The following UBR1 variants were observed in gnomAD, a reference collection of about 807,000 sequenced individuals.
The protein encoded by UBR1 is ubiquitin protein ligase E3 component n-recognin 1.
UBR1 carries 102 observed loss-of-function variants against 242.1 expected under a neutral mutation model. The observed-to-expected ratio is 0.42, with a 90% CI of 0.36 to 0.50. The LOEUF (loss-of-function observed/expected upper bound fraction) is 0.50, where lower values mean the gene tolerates loss of function less well. UBR1 is among the 20% of genes least tolerant of loss of function. The pLI, the probability that UBR1 is intolerant of heterozygous loss-of-function variation, is 0.01. For synonymous variants in UBR1, 675 were observed against 684.8 expected (o/e 0.99, Z 0.22); for missense variants, 1,772 against 2,101.8 (o/e 0.84, Z 3.07).
chr15:43,076,085 C>T lies in UBR1; in HGVS notation c.418-996G>A, dbSNP rs1240553304. ...ACTGCAACCTCCCCGCCTGATTCTC[C>T]TGCCTCAGCCTGCAGAGTGCCTGCG... On this transcript the variant is annotated intron_variant, in intron 3 of 46. Coordinates refer to ENST00000290650, the MANE Select transcript of UBR1 (RefSeq NM_174916.3). 2.6e-5 allele frequency among the ~76,000 whole-genome samples: 4 copies of T among 152,132 alleles called. No individual in the cohort carries two copies. In the East Asian group the frequency reaches 7.7e-4, roughly 29 times the overall value.
chr15:43,069,280 T>C (rs931482817), intron 5 of UBR1, among the ~76,000 whole-genome samples: 22 of 151,484 alleles, frequency 1.5e-4, no homozygotes, highest in African/African-American at 5.3e-4. Context: ...ATGTGTTCAG[T>C]ATTTTTTTTT....
intron 9 of UBR1, 49 bp from the exon 10 acceptor site, chr15:43,058,478 C>A: frequency 7.8e-7 from 1 of 1,282,430 alleles, no homozygotes; most frequent in Non-Finnish European, 1.1e-6. Flanking sequence ...ATCACCAAGG[C>A]AAAAACCAAA....
intron 29 of UBR1, chr15:43,011,960 C>T (rs2032929049): frequency 2.2e-6 from 1 of 451,050 alleles, no homozygotes; most frequent in Admixed American, 2.4e-5. Context: ...GGCACAGTGG[C>T]TCACGCCTGT....
At chr15:43,055,087 A>G (rs1225881059) in intron 11 of UBR1, among the ~76,000 whole-genome samples, 188 bp from the exon 12 acceptor site, 2 of 152,090 alleles carry the variant, frequency 1.3e-5, no homozygotes, top group African/African-American at 4.8e-5. Context: ...AAAATTCCCT[A>G]CTCCTCAGTA....
rs555237014 is a variant in UBR1 at position 43,017,122 on chromosome 15, T to G, written c.3000A>C (p.Ser1000=). ...EKSCLIVATT[S]GSESIKNDEI... ...CATCATTCTTAATAGATTCCGATCC[T>G]GATGTGGTTGCTACAATTAAACAAG... The change falls in exon 28 of 47, where the codon TCA becomes TCC. Residue 1000 remains serine, a synonymous_variant. Transcript: ENST00000290650. 5.8e-5 allele frequency: 94 copies of G among 1,613,726 alleles called. 3 individuals carry two copies. In the South Asian group the frequency reaches 1.0e-3, roughly 17 times the overall value.
chr15:43,020,819 A>G (rs1425953273), intron 27 of UBR1, among the ~76,000 whole-genome samples: 1 of 152,178 alleles, frequency 6.6e-6, no homozygotes, highest in African/African-American at 2.4e-5. Flanking sequence ...AGACTCTTCT[A>G]AGACTGACTC....
intron 2 of UBR1, among the ~76,000 whole-genome samples, chr15:43,083,127 A>C (rs1248651940): frequency 6.6e-6 from 1 of 152,346 alleles, no homozygotes; most frequent in East Asian, 1.9e-4. Context: ...GGCTTGGATA[A>C]AGACAAAGTT....
chr15:43,044,061 T>C (rs753353442), intron 14 of UBR1, among the ~76,000 whole-genome samples: 4 of 152,034 alleles, frequency 2.6e-5, no homozygotes, highest in Middle Eastern at 6.3e-3. Context: ...AGCAGAGATA[T>C]AAAATAAATA....
chr15:43,007,531 T>G (rs77467364), intron 29 of UBR1, among the ~76,000 whole-genome samples: 51 of 152,072 alleles, frequency 3.4e-4, no homozygotes, highest in Non-Finnish European at 6.2e-4. Flanking sequence ...TATATTATAA[T>G]TTTACTTAAT....
At chr15:43,007,545 C>G (rs999923944) in intron 29 of UBR1, among the ~76,000 whole-genome samples, 3 of 149,578 alleles carry the variant, frequency 2.0e-5, no homozygotes, top group African/African-American at 4.9e-5. Context: ...ACTTAATTTA[C>G]TATACCAATA....
chr15:42,994,675 A>G (rs968645160), intron 33 of UBR1, among the ~76,000 whole-genome samples: 1 of 152,204 alleles, frequency 6.6e-6, no homozygotes, highest in Admixed American at 6.5e-5. Flanking sequence ...TATAGATAAA[A>G]TGCTTACACA....
In UBR1 at chr15:43,015,777, T is replaced by C. The variant is rs377343128; in HGVS notation, c.3120A>G (p.Leu1040=). 2.5e-6 allele frequency: 4 copies of C among 1,614,214 alleles called. No homozygotes were observed. Among genetic ancestry groups the C allele is most frequent in the Non-Finnish European group, 3.4e-6 (4 of 1,180,036 alleles). ...TATGAGTTTCAATGAAGTTTTTCTGTAAGGCAGACATCTGAGCCATGATCT... is the reference window on the plus strand; with the variant it reads ...TATGAGTTTCAATGAAGTTTTTCTGCAAGGCAGACATCTGAGCCATGATCT... ...RQKIMAQMSA[L]QKNFIETHKL... Residue 1040 remains leucine (L), a synonymous_variant, in exon 29 of 47, where the codon TTA becomes TTG. Coordinates refer to ENST00000290650, the MANE Select transcript of UBR1 (RefSeq NM_174916.3).
chr15:42,964,295 C>A (rs948084388), intron 41 of UBR1, among the ~76,000 whole-genome samples: 3 of 151,956 alleles, frequency 2.0e-5, no homozygotes, highest in African/African-American at 7.3e-5. Flanking sequence ...CATGGAGAAA[C>A]CCCATCTCTA....
chr15:43,079,787 T>C (rs1408492436), intron 3 of UBR1, among the ~76,000 whole-genome samples: 1 of 148,546 alleles, frequency 6.7e-6, no homozygotes, highest in Non-Finnish European at 1.5e-5. Flanking sequence ...GTCTCAAAAA[T>C]AAATAAATAA....
chr15:43,059,278 T>C, intron 8 of UBR1, 86 bp from the exon 9 acceptor site: 2 of 1,260,024 alleles, frequency 1.6e-6, no homozygotes, highest in Non-Finnish European at 2.3e-6. Context: ...TTGCCCAGGT[T>C]GGTCTTGAAC....
intron 25 of UBR1, among the ~76,000 whole-genome samples, chr15:43,023,521 C>T (rs568115528): frequency 4.6e-5 from 6 of 131,054 alleles, no homozygotes; most frequent in East Asian, 5.1e-4. Context: ...AACCCAGAGG[C>T]GGAAGTTGCA....
intron 2 of UBR1, 129 bp downstream of exon 2, chr15:43,085,855 G>C (rs1221861966): frequency 3.0e-6 from 3 of 985,548 alleles, no homozygotes; most frequent in South Asian, 3.5e-5. Flanking sequence ...GGCAGAGGTT[G>C]CAGTGACGTG....
At chr15:43,012,376 A>T (rs1312715984) in intron 29 of UBR1, among the ~76,000 whole-genome samples, 1 of 152,230 alleles carries the variant, frequency 6.6e-6, no homozygotes, top group Non-Finnish European at 1.5e-5. Flanking sequence ...CTATTTCTTC[A>T]TGTATACATG....
Position 43,021,318 on chromosome 15 carries a change from G to A in UBR1, c.2897C>T (p.Pro966Leu). 1 of 1,613,670 alleles carries A rather than the reference G, an allele frequency of 6.2e-7. No individual in the cohort carries two copies. Among genetic ancestry groups the A allele is most frequent in the Non-Finnish European group, 8.5e-7 (1 of 1,179,796 alleles). The change falls in exon 27 of 47, where the codon CCC (proline) becomes CTC (leucine). Residue 966 changes from proline (P) to leucine (L), a missense_variant. Pro to Leu is a moderately conservative substitution (Grantham distance 98). Around this residue, in one of 3 missense-constraint regions of UBR1, gnomAD observed 965 missense variants for 1,079.7 expected, o/e 0.89. Coordinates refer to ENST00000290650, the MANE Select transcript of UBR1 (RefSeq NM_174916.3). ...QMLLEKLKGI[P>L]QLEGQKDMIT... ...CATGTCCTTCTGGCCTTCTAACTGG[G>A]GAATTCCTTTGAGTTTTTCCAAAAG...
Sources: gnomAD v4.1 joint callset for allele counts (sites outside exome capture counted in the v4.1 genomes callset) on GRCh38, gnomAD v4.1.1 for gene constraint, gnomAD v4.1.1 regional missense constraint, MANE v1.5 for transcripts, NCBI Gene and HGNC (gene_info 2026-07-23, HGNC 2026-07-21) for gene names.